SIN3B: variants seen among roughly 807,000 people sequenced by gnomAD.
SIN3B encodes the protein SIN3 transcription regulator family member B.
Under a neutral mutation model 120.2 loss-of-function variants are expected in SIN3B, and 19 were observed. The observed-to-expected ratio is 0.16, with a 90% CI of 0.11 to 0.23. The LOEUF (loss-of-function observed/expected upper bound fraction) is 0.23, where lower values mean the gene tolerates loss of function less well. Ranked by LOEUF, SIN3B falls within the 10% of genes least tolerant of loss-of-function variation. SIN3B has a pLI of 1.00. For missense variants in SIN3B, 1,073 were observed against 1,573.0 expected (o/e 0.68, Z 5.38); for synonymous variants, 654 against 653.2 (o/e 1.00, Z -0.02).
At chr19:16,863,383 A>G (rs1819930395) in intron 9 of SIN3B, 1 of 503,762 alleles carries the variant, frequency 2.0e-6, no homozygotes, top group Non-Finnish European at 3.5e-6. Context: ...TCTAGAGATG[A>G]TTTTGCATAG....
intron 14 of SIN3B, among the ~76,000 whole-genome samples, chr19:16,873,210 A>G (rs976971174): frequency 5.9e-5 from 9 of 151,708 alleles, no homozygotes; most frequent in Non-Finnish European, 1.3e-4. Context: ...ATCTTTTCTC[A>G]TGGAAAGCTA....
chr19:16,875,547 T>G (rs1478190242), intron 14 of SIN3B, among the ~76,000 whole-genome samples: 1 of 145,784 alleles, frequency 6.9e-6, no homozygotes, highest in Non-Finnish European at 1.5e-5. Flanking sequence ...TTTGGTCTGG[T>G]CTGTTTGGTC....
At chr19:16,866,005 G>A (rs1399017582) in intron 11 of SIN3B, among the ~76,000 whole-genome samples, 18 of 152,216 alleles carry the variant, frequency 1.2e-4, no homozygotes, top group Admixed American at 1.2e-3. Flanking sequence ...CATTTATCAA[G>A]TGGTCACTTT....
chr19:16,849,755 C>T (rs1971521602), intron 5 of SIN3B, among the ~76,000 whole-genome samples: 1 of 152,132 alleles, frequency 6.6e-6, no homozygotes, highest in Non-Finnish European at 1.5e-5. Context: ...ATATGGTCGC[C>T]CAGCTGCATC....
chr19:16,862,800 T>C lies in SIN3B; in HGVS notation c.1266+241T>C, dbSNP rs1274827753. On this transcript the variant is annotated intron_variant, in intron 9 of 18. Transcript: ENST00000248054. The surrounding 1 kb of genome is among the most constrained non-coding windows in gnomAD (Gnocchi z 4.7). ...CAGGGATAACGTGGAGTTCGGCTTA[T>C]TCATCTGTTATTTGACTTAGGTTTA... The C allele has an allele frequency of 1.7e-6, 2 of 1,165,718 alleles. No homozygotes were observed. Among genetic ancestry groups the C allele is most frequent in the African/African-American group, 3.0e-5 (2 of 66,094 alleles). 72.2% of individuals were successfully genotyped at this position (1,165,718 alleles called of 1,614,324 possible). A position where few individuals can be genotyped will look rare whatever the true frequency, so the allele number is the denominator to read the frequency against.
intron 8 of SIN3B, 125 bp downstream of exon 8, chr19:16,854,386 C>T (rs778885581): frequency 3.4e-5 from 22 of 638,712 alleles, no homozygotes; most frequent in South Asian, 7.7e-5. Flanking sequence ...TATTAATTGA[C>T]GTGATTGATA....
At chr19:16,867,219 A>G (rs959282606) in intron 12 of SIN3B, among the ~76,000 whole-genome samples, 5 of 152,220 alleles carry the variant, frequency 3.3e-5, no homozygotes, top group African/African-American at 1.2e-4. Context: ...CTCACTCCTG[A>G]ACCTGACTCT....
chr19:16,829,979 G>A, intron 2 of SIN3B, 82 bp downstream of exon 2: 1 of 898,320 alleles, frequency 1.1e-6, no homozygotes, highest in South Asian at 1.4e-5. Flanking sequence ...CCCCTCTCCA[G>A]CCTGCCCCCT....
rs1433378419 is a variant in SIN3B at position 16,876,200 on chromosome 19, G to A, written c.2738G>A (p.Arg913His). The A allele has an allele frequency of 8.7e-6, 14 of 1,612,158 alleles. No homozygotes were observed. The highest frequency in any genetic ancestry group is 4.5e-5 in the East Asian group (2 of 44,842). ...RETSYQWKAE[R>H]CMADENCFKV... is the part of the protein sequence containing the mutation. ...ACCAGCTACCAGTGGAAGGCTGAGC[G>A]CTGCATGGCCGACGAGAACTGCTTC... Residue 913 changes from arginine (R) to histidine (H), a missense_variant, in exon 15 of 19, where the codon CGC (arginine) becomes CAC (histidine). By Grantham distance (29) the Arg-to-His change is conservative. Coordinates refer to ENST00000248054, the MANE Select transcript of SIN3B (RefSeq NM_001297595.2). The surrounding 1 kb of genome is among the most constrained non-coding windows in gnomAD (Gnocchi z 7.1).
intron 8 of SIN3B, among the ~76,000 whole-genome samples, chr19:16,856,084 C>T (rs1233365752): frequency 6.6e-6 from 1 of 152,096 alleles, no homozygotes; most frequent in Non-Finnish European, 1.5e-5. Context: ...TATATTATAC[C>T]TCTGCTGCAC....
At chr19:16,869,323 G>A (rs1971823477) in intron 12 of SIN3B, 137 bp from the exon 13 acceptor site, 2 of 1,156,722 alleles carry the variant, frequency 1.7e-6, no homozygotes, top group South Asian at 1.6e-5. Context: ...CTGCCTCACC[G>A]ATGTTCGCCA....
At chr19:16,878,418 A>C (rs1222457780) in intron 18 of SIN3B, 28 bp downstream of exon 18, 1 of 1,599,820 alleles carries the variant, frequency 6.3e-7, no homozygotes, top group Non-Finnish European at 8.5e-7. Flanking sequence ...GGCTGCCCCG[A>C]CATGCCCCTC....
At chr19:16,873,794 C>G (rs1196031235) in intron 14 of SIN3B, among the ~76,000 whole-genome samples, 1 of 152,244 alleles carries the variant, frequency 6.6e-6, no homozygotes, top group African/African-American at 2.4e-5. Context: ...TCTCCCTGGG[C>G]CAGGTGCTCA....
At chr19:16,841,166 G>A (rs553073749) in intron 3 of SIN3B, among the ~76,000 whole-genome samples, 3 of 152,078 alleles carry the variant, frequency 2.0e-5, no homozygotes, top group South Asian at 2.1e-4. Flanking sequence ...AAAAGTACAC[G>A]CATAGAGGGC....
chr19:16,829,514 G>T lies in SIN3B; in HGVS notation c.94G>T (p.Ala32Ser). ...CGCCCGCTGGGGTCGCTCGGGCTCC[G>T]CAGGCCACGAGAAGCTGCCGGTGCA... ...SGARWGRSGS[A>S]GHEKLPVHVE... The change falls in exon 1 of 19, where the codon GCA (alanine) becomes TCA (serine). Residue 32 changes from alanine (A) to serine (S), a missense_variant. By Grantham distance (99) the Ala-to-Ser change is moderately conservative. Transcript: ENST00000248054. 8.2e-7 allele frequency: 1 copy of T among 1,225,702 alleles called. No homozygotes were observed. The allele number at this position is 1,225,702 out of a possible 1,614,324, so 75.9% of individuals were successfully genotyped here. A position where few individuals can be genotyped will look rare whatever the true frequency, so the allele number is the denominator to read the frequency against.
intron 3 of SIN3B, among the ~76,000 whole-genome samples, chr19:16,837,324 G>A (rs1971360987): frequency 6.6e-6 from 1 of 152,132 alleles, no homozygotes; most frequent in South Asian, 2.1e-4. Flanking sequence ...ACCAGGGAGG[G>A]GCCCCAAGTG....
Position 16,870,094 on chromosome 19 carries a change from C to G in SIN3B, c.2422+19C>G. The G allele has an allele frequency of 6.4e-7, 1 of 1,550,698 alleles. No individual in the cohort carries two copies. The highest frequency in any genetic ancestry group is 1.2e-5 in the South Asian group (1 of 84,564). ...CAGCCCAGTAAGGCTCCAAAGCCTG[C>G]CGGGAGGCCCCGGGGGGTGCCTGGG... On this transcript the variant is annotated intron_variant, in intron 13 of 18. Coordinates refer to ENST00000248054, the MANE Select transcript of SIN3B (RefSeq NM_001297595.2).
rs773880 is a variant in SIN3B, at chr19:16,860,727, C to G, written c.1059-1625C>G. Among the ~76,000 whole-genome samples the G allele has an allele frequency of 7.3e-3, 1,107 of 151,736 alleles. 13 individuals carry two copies. The highest frequency in any genetic ancestry group is 0.025 in the African/African-American group (1,047 of 41,352). ...GCCATTCTCCTGCCTCAGCCTCTCC[C>G]AGTAGCTGGGACTACAGGCGCCCGC... On this transcript the variant is annotated intron_variant, in intron 8 of 18. Transcript: ENST00000248054.
intron 14 of SIN3B, among the ~76,000 whole-genome samples, chr19:16,873,326 C>T (rs540532225): frequency 1.3e-5 from 2 of 152,282 alleles, no homozygotes; most frequent in South Asian, 4.1e-4. Flanking sequence ...TGCGTTCTGA[C>T]ACCTTCGCTT....
Sources: allele counts gnomAD v4.1 joint callset (sites outside exome capture counted in the v4.1 genomes callset), GRCh38; gene constraint gnomAD v4.1.1; non-coding constraint Gnocchi (gnomAD v3.1); transcripts MANE v1.5; gene names NCBI Gene and HGNC (gene_info 2026-07-23, HGNC 2026-07-21).